PTPRN2: variants seen among roughly 807,000 people sequenced by gnomAD.
PTPRN2 encodes protein tyrosine phosphatase receptor type N2.
Under a neutral mutation model 118.8 loss-of-function variants are expected in PTPRN2, and 74 were observed. The ratio of observed to expected loss-of-function variants is 0.62; its 90% CI spans 0.52 to 0.76. The LOEUF (loss-of-function observed/expected upper bound fraction) is 0.76, where lower values mean the gene tolerates loss of function less well. PTPRN2 is among the 30% of genes least tolerant of loss of function. The pLI is 0.00. For missense variants in PTPRN2, 1,481 were observed against 1,394.4 expected (o/e 1.06, Z -0.99); for synonymous variants, 641 against 608.0 (o/e 1.05, Z -0.80).
At chr7:158,520,820 T>C (rs978532433) in intron 1 of PTPRN2, among the ~76,000 whole-genome samples, 2 of 152,220 alleles carry the variant, frequency 1.3e-5, no homozygotes, top group Non-Finnish European at 2.9e-5. Context: ...GAGCACGTCC[T>C]GGTTTCCATG....
chr7:157,679,140 T>G (rs1454765070), intron 13 of PTPRN2, among the ~76,000 whole-genome samples: 1 of 152,120 alleles, frequency 6.6e-6, no homozygotes, highest in Non-Finnish European at 1.5e-5. Flanking sequence ...TGACAGGCTA[T>G]GCCAATTTGA....
rs547519518 is a variant in PTPRN2, at chr7:158,407,165, G to C, written c.163+82570C>G. On this transcript the variant is annotated intron_variant, in intron 2 of 22. Coordinates refer to ENST00000389418, the MANE Select transcript of PTPRN2 (RefSeq NM_002847.5). Reference sequence around the variant, plus strand: ...CCTGCGTCCTGGGTCCTGGGTCCTGGGTCCTGCGTCCTGCGTCCTGGGTCC... The same window carrying C: ...CCTGCGTCCTGGGTCCTGGGTCCTGCGTCCTGCGTCCTGCGTCCTGGGTCC... Among the ~76,000 whole-genome samples, 824 of 98,522 alleles carry C rather than the reference G, an allele frequency of 8.4e-3. 24 individuals carry two copies. The highest frequency in any genetic ancestry group is 0.019 in the South Asian group (38 of 2,024). 64.6% of individuals were successfully genotyped at this position (98,522 alleles called of 152,430 possible). A position where few individuals can be genotyped will look rare whatever the true frequency, so the allele number is the denominator to read the frequency against.
In PTPRN2 at chr7:157,794,374, G is replaced by A. The variant is rs891812555; in HGVS notation, c.1788+104299C>T. Reference sequence around the variant, plus strand: ...TGCACTTCCGGTTCTGCGTCTGGCCGGCCTACGGGCACTCGGGCAGTGCGG... The same window carrying A: ...TGCACTTCCGGTTCTGCGTCTGGCCAGCCTACGGGCACTCGGGCAGTGCGG... On this transcript the variant is annotated intron_variant, in intron 12 of 22. Transcript: ENST00000389418. The surrounding 1 kb of genome is among the most constrained non-coding windows in gnomAD (Gnocchi z 5.2). Among the ~76,000 whole-genome samples the A allele has an allele frequency of 3.9e-5, 6 of 152,148 alleles. No individual in the cohort carries two copies. The highest frequency in any genetic ancestry group is 3.9e-4 in the East Asian group (2 of 5,184).
intron 12 of PTPRN2, among the ~76,000 whole-genome samples, chr7:157,697,706 C>G (rs1223383376): frequency 1.4e-5 from 2 of 144,472 alleles, no homozygotes; most frequent in Non-Finnish European, 3.0e-5. Context: ...GCAGAGCCCT[C>G]ACCGTCTACC....
chr7:158,132,773 CAA>C (rs950161805), intron 9 of PTPRN2, among the ~76,000 whole-genome samples: 39 of 151,778 alleles, frequency 2.6e-4, no homozygotes, highest in African/African-American at 9.2e-4. Flanking sequence ...CACATCTACC[CAA>C]CACACACTCA....
At chr7:158,351,973 ACCGCTCCCCTCCTGT>A (rs1563190502) in intron 2 of PTPRN2, among the ~76,000 whole-genome samples, 2 of 20,420 alleles carry the variant, frequency 9.8e-5, no homozygotes, top group African/African-American at 2.2e-4. Context: ...TCCCCTCCTG[ACCGCTCCCCTCCTGT>A]CCGCTCCCCT....
chr7:157,853,961 A>C (rs1809488574), intron 12 of PTPRN2, among the ~76,000 whole-genome samples: 1 of 152,176 alleles, frequency 6.6e-6, no homozygotes. Context: ...GTGAAGACGG[A>C]GACGGCACCC....
rs745411017 is a variant in PTPRN2 at position 157,608,319 on chromosome 7, C to T, written c.2345-4244G>A. Among the ~76,000 whole-genome samples the T allele has an allele frequency of 9.2e-5, 14 of 152,254 alleles. No homozygotes were observed. The South Asian group carries it at 1.2e-3, about 14-fold the overall frequency. ...CTGACCTCAGATGATCCACCTGCCT[C>T]GGCCTCCCAAAGTGCTGGGATTACA... On this transcript the variant is annotated intron_variant, in intron 15 of 22. Transcript: ENST00000389418.
intron 2 of PTPRN2, among the ~76,000 whole-genome samples, chr7:158,381,639 T>C (rs1810971421): frequency 6.6e-6 from 1 of 152,200 alleles, no homozygotes; most frequent in African/African-American, 2.4e-5. Flanking sequence ...AGGTCCAAAG[T>C]TGCTTCCACA....
rs752136779 is a variant in PTPRN2, at chr7:157,779,986, C to T, written c.1789-97049G>A. On this transcript the variant is annotated intron_variant, in intron 12 of 22. Coordinates refer to ENST00000389418, the MANE Select transcript of PTPRN2 (RefSeq NM_002847.5). The surrounding 1 kb of genome is among the most constrained non-coding windows in gnomAD (Gnocchi z 4.7). ...TAATAAAAATGCTGACCCCAGTTCC[C>T]AAGGTCCACAATGTCCATGGAGAGT... Among the ~76,000 whole-genome samples, 34 of 152,156 alleles carry T rather than the reference C, an allele frequency of 2.2e-4. No individual in the cohort carries two copies. Among genetic ancestry groups the T allele is most frequent in the Non-Finnish European group, 4.0e-4 (27 of 68,028 alleles).
intron 2 of PTPRN2, among the ~76,000 whole-genome samples, chr7:158,434,906 T>C (rs1281383167): frequency 6.6e-6 from 1 of 152,102 alleles, no homozygotes; most frequent in Non-Finnish European, 1.5e-5. Flanking sequence ...CACATGCACA[T>C]AACAAAATTG....
At chr7:158,041,707 T>C (rs576459669) in intron 11 of PTPRN2, among the ~76,000 whole-genome samples, 17 of 152,192 alleles carry the variant, frequency 1.1e-4, no homozygotes, top group Non-Finnish European at 1.3e-4. Context: ...AGGCTACAAA[T>C]AGTCAATATT....
chr7:158,306,870 T>G (rs58041069), intron 3 of PTPRN2, among the ~76,000 whole-genome samples: 2,111 of 18,054 alleles, frequency 0.12, 16 homozygotes, highest in Non-Finnish European at 0.18. Context: ...TTTTTTTTTT[T>G]TTTTTTTTTT....
chr7:157,972,942 C>G (rs1004488759), intron 11 of PTPRN2, among the ~76,000 whole-genome samples: 6 of 152,000 alleles, frequency 3.9e-5, no homozygotes, highest in Non-Finnish European at 7.4e-5. Context: ...CACAGGAACT[C>G]CACACCACGA....
chr7:158,320,104 C>A (rs1285840241), intron 2 of PTPRN2, among the ~76,000 whole-genome samples: 1 of 65,082 alleles, frequency 1.5e-5, no homozygotes, highest in Non-Finnish European at 3.4e-5. Flanking sequence ...CACATAGTCT[C>A]CCTCACACAC....
intron 1 of PTPRN2, among the ~76,000 whole-genome samples, chr7:158,561,653 T>C (rs754831498): frequency 3.3e-5 from 5 of 152,216 alleles, no homozygotes; most frequent in Non-Finnish European, 7.3e-5. Flanking sequence ...ATGCAGAATA[T>C]TGGGTCTAAC....
intron 3 of PTPRN2, among the ~76,000 whole-genome samples, chr7:158,298,607 A>G (rs140444437): frequency 2.4e-4 from 37 of 152,280 alleles, no homozygotes; most frequent in Non-Finnish European, 4.7e-4. Context: ...CTTGCGGGGG[A>G]GGCCACCTCT....
intron 1 of PTPRN2, among the ~76,000 whole-genome samples, chr7:158,496,814 G>C (rs1586805157): frequency 1.1e-3 from 1 of 936 alleles, no homozygotes; most frequent in Admixed American, 0.015. Context: ...CTTCCCTGCA[G>C]CCTCCCCTCC....
rs1342792162 is a variant in PTPRN2 at position 157,868,172 on chromosome 7, C to T, written c.1788+30501G>A. Among the ~76,000 whole-genome samples, 1 of 152,208 alleles carries T rather than the reference C, an allele frequency of 6.6e-6. No individual in the cohort carries two copies. The highest frequency in any genetic ancestry group is 6.5e-5 in the Admixed American group (1 of 15,282). On this transcript the variant is annotated intron_variant, in intron 12 of 22. Coordinates refer to ENST00000389418, the MANE Select transcript of PTPRN2 (RefSeq NM_002847.5). The surrounding 1 kb of genome is among the most constrained non-coding windows in gnomAD (Gnocchi z 5.2). ...GACACAGTTATCCTAAGGCCAGGCA[C>T]AGGAAGGGTTCCTTTCCCGATGGCT...
Sources: gnomAD v4.1 joint callset for allele counts (sites outside exome capture counted in the v4.1 genomes callset) on GRCh38, gnomAD v4.1.1 for gene constraint, Gnocchi (gnomAD v3.1) non-coding constraint, MANE v1.5 for transcripts, NCBI Gene and HGNC (gene_info 2026-07-23, HGNC 2026-07-21) for gene names.